LATS1: variants seen among roughly 807,000 people sequenced by gnomAD.
The protein encoded by LATS1 is large tumor suppressor kinase 1, also known as serine/threonine-protein kinase LATS1.
Under a neutral mutation model 106.6 loss-of-function variants are expected in LATS1, and 25 were observed. The ratio of observed to expected loss-of-function variants is 0.23; its 90% CI spans 0.17 to 0.33. LATS1 has a LOEUF of 0.33. Among genes scored for constraint, LATS1 ranks in the 10% least tolerant of loss-of-function variants. LATS1 has a pLI of 1.00. For synonymous variants in LATS1, 465 were observed against 455.6 expected, an observed-to-expected ratio of 1.02 and a Z score of -0.26; for missense variants, 1,040 against 1,382.6, an observed-to-expected ratio of 0.75 and a Z score of 3.93.
intron 1 of LATS1, among the ~76,000 whole-genome samples, chr6:149,702,662 T>C (rs1215286704): frequency 6.6e-6 from 1 of 151,974 alleles, no homozygotes; most frequent in South Asian, 2.1e-4. Context: ...GCTTTAAATT[T>C]ATTTTTATTT....
At chr6:149,674,389 T>C (rs891614246) in intron 7 of LATS1, among the ~76,000 whole-genome samples, 1 of 151,962 alleles carries the variant, frequency 6.6e-6, no homozygotes, top group Admixed American at 6.6e-5. Context: ...AATTTTTTAT[T>C]TTTTGAGATG....
Position 149,670,409 on chromosome 6 carries a change from T to C in LATS1, c.2883+5851A>G, listed in dbSNP as rs375246861. On this transcript the variant is annotated intron_variant, in intron 7 of 7. Coordinates refer to ENST00000543571, the MANE Select transcript of LATS1 (RefSeq NM_004690.4). ...ATCAGGATAAACTATTTTGGAACTT[T>C]GGAACCTGATCAGATACTTACAGCA... 5.3e-5 allele frequency among the ~76,000 whole-genome samples: 8 copies of C among 151,926 alleles called. No individual in the cohort carries two copies. The East Asian group carries it at 1.5e-3, about 29-fold the overall frequency.
At chr6:149,673,272 A>T (rs867124259) in intron 7 of LATS1, among the ~76,000 whole-genome samples, 1 of 149,572 alleles carries the variant, frequency 6.7e-6, no homozygotes, top group African/African-American at 2.5e-5. Context: ...TAATTTTTCT[A>T]TTTTTTTTGT....
intron 1 of LATS1, among the ~76,000 whole-genome samples, chr6:149,709,882 G>C (rs1465142995): frequency 6.6e-6 from 1 of 151,624 alleles, no homozygotes; most frequent in Non-Finnish European, 1.5e-5. Context: ...CACTATGTTG[G>C]CCAAGCTGGT....
chr6:149,706,738 G>A (rs1023025657), intron 1 of LATS1, among the ~76,000 whole-genome samples: 1 of 152,100 alleles, frequency 6.6e-6, no homozygotes, highest in African/African-American at 2.4e-5. Context: ...CAGAAGCCAA[G>A]GATGACAGCA....
chr6:149,684,665 G>A, intron 3 of LATS1, 73 bp from the exon 4 acceptor site: 1 of 1,055,066 alleles, frequency 9.5e-7, no homozygotes, highest in Non-Finnish European at 1.4e-6. Context: ...ACCTTAGCTT[G>A]CAATTCTGAT....
chr6:149,676,556 T>C lies in LATS1; in HGVS notation c.2775A>G (p.Thr925=). 4 of 1,613,248 alleles carry C rather than the reference T, an allele frequency of 2.5e-6. No homozygotes were observed. Among genetic ancestry groups the C allele is most frequent in the Non-Finnish European group, 2.5e-6 (3 of 1,179,444 alleles). Residue 925 remains threonine (T), a splice_region_variant and synonymous_variant, in exon 6 of 8, where the codon ACA becomes ACG. Transcript: ENST00000543571. ...ATATATATGAAAGAAGTGCTTTACC[T>C]GTTCGTAGCAACACTTCAGGTGCAA... is the stretch of plus-strand genomic sequence containing the variant. ...NYIAPEVLLR[T]GYTQLCDWWS...
At chr6:149,712,707 G>C (rs1784173789) in intron 1 of LATS1, among the ~76,000 whole-genome samples, 1 of 152,106 alleles carries the variant, frequency 6.6e-6, no homozygotes, top group Non-Finnish European at 1.5e-5. Flanking sequence ...ATTTCTAAAA[G>C]TTAGGGCCGG....
rs1482018073 is a variant in LATS1, at chr6:149,683,765, G to T, written c.1324C>A (p.Gln442Lys). ...TCATGCCCACTGCTCGGGGATGACT[G>T]GGCTGGAGCAGAAGATGACTGAGGC... ...NWPQSSSAPA[Q>K]SSPSSGHEIP... Residue 442 changes from glutamine (Q) to lysine (K), a missense_variant, in exon 4 of 8, where the codon CAG becomes AAG. Gln to Lys is a moderately conservative substitution (Grantham distance 53). Transcript: ENST00000543571. 1 of 1,613,656 alleles carries T rather than the reference G, an allele frequency of 6.2e-7. No individual in the cohort carries two copies.
rs183811668 is a variant in LATS1, at chr6:149,717,167, C to T, written c.-141+682G>A. Among the ~76,000 whole-genome samples the T allele has an allele frequency of 8.3e-4, 127 of 152,246 alleles. 1 individual carries two copies. Among genetic ancestry groups the T allele is most frequent in the Non-Finnish European group, 1.6e-3 (110 of 68,008 alleles). The stretch of plus-strand genomic sequence containing the variant: ...CCGTATTAACATATGAGTTGACAAA[C>T]ATTAAATTTTGTTCCCTTAGAAATT... On this transcript the variant is annotated intron_variant, in intron 1 of 7. Transcript: ENST00000543571.
chr6:149,670,999 A>T (rs1212046930), intron 7 of LATS1, among the ~76,000 whole-genome samples: 2 of 151,856 alleles, frequency 1.3e-5, no homozygotes, highest in Non-Finnish European at 2.9e-5. Context: ...ACTCCAGCCC[A>T]CAGAGATTTT....
At chr6:149,704,979 T>G (rs1582919037) in intron 1 of LATS1, among the ~76,000 whole-genome samples, 1 of 148,882 alleles carries the variant, frequency 6.7e-6, no homozygotes, top group Admixed American at 6.8e-5. Context: ...CCACTAGAGG[T>G]AGTTTCCTGA....
chr6:149,695,130 C>T lies in LATS1; in HGVS notation c.440G>A (p.Arg147Gln), dbSNP rs771498477. 9.3e-6 allele frequency: 15 copies of T among 1,613,316 alleles called. No homozygotes were observed. The highest frequency in any genetic ancestry group is 1.1e-5 in the Non-Finnish European group (13 of 1,179,676). The change falls in exon 3 of 8, where the codon CGA becomes CAA. Residue 147 changes from arginine to glutamine, a missense_variant. By Grantham distance (43) the Arg-to-Gln change is conservative. This residue lies in a region of LATS1 where 624 missense variants were observed against 714.8 expected (regional missense o/e 0.87). Coordinates refer to ENST00000543571, the MANE Select transcript of LATS1 (RefSeq NM_004690.4). Reference protein sequence around the residue: ...FISKMSYQDPRREQMAAAAAR... With the variant: ...FISKMSYQDPQREQMAAAAAR... ...AGCTGCTGCAGCCATCTGCTCTCGT[C>T]GAGGATCTTGGTAACTCATTTTACT...
In LATS1 at chr6:149,701,896, G is replaced by A; in HGVS notation, c.231C>T (p.Ala77=). 6.2e-7 allele frequency: 1 copy of A among 1,614,114 alleles called. No individual in the cohort carries two copies. Among genetic ancestry groups the A allele is most frequent in the Non-Finnish European group, 8.5e-7 (1 of 1,179,990 alleles). ...NPPKFGTHHK[A]LQEIRNSLLP... ...GCAGAGAGTTTCGAATTTCCTGCAA[G>A]GCTTTATGATGCGTCCCAAATTTGG... is the stretch of plus-strand genomic sequence containing the variant. The change falls in exon 2 of 8, where the codon GCC becomes GCT. Residue 77 remains alanine, a synonymous_variant. Transcript: ENST00000543571.
chr6:149,683,009 C>T (rs1554232341), intron 4 of LATS1, 70 bp downstream of exon 4: 2 of 1,248,400 alleles, frequency 1.6e-6, no homozygotes, highest in Non-Finnish European at 2.2e-6. Context: ...ATACTGGACA[C>T]AATATTTTAA....
At chr6:149,695,272 A>G (rs1373233245) in intron 2 of LATS1, 51 bp from the exon 3 acceptor site, 1 of 1,247,310 alleles carries the variant, frequency 8.0e-7, no homozygotes, top group Admixed American at 2.0e-5. Flanking sequence ...AAATCTTACA[A>G]TAATACAAGG....
rs1323035340 is a variant in LATS1 at position 149,718,074 on chromosome 6, C to T, written c.-366G>A. 3.2e-6 allele frequency: 1 copy of T among 310,556 alleles called. No homozygotes were observed. Among genetic ancestry groups the T allele is most frequent in the Admixed American group, 5.9e-5 (1 of 17,080 alleles). The allele number at this position is 310,556 out of a possible 1,614,324, so 19.2% of individuals were successfully genotyped here. A position where few individuals can be genotyped will look rare whatever the true frequency, so the allele number is the denominator to read the frequency against. ...GCCGCCGCCGCCATTTTGCCTTCCA[C>T]TCAGTGTCGCCGCCGCCGCACTCCG... is the stretch of plus-strand genomic sequence containing the variant. On this transcript the variant is annotated 5_prime_UTR_variant, in exon 1 of 8. In the 5' UTR this introduces an upstream ATG that the reference lacks. Transcript: ENST00000543571.
chr6:149,664,536 A>C (rs1425592443), intron 7 of LATS1, among the ~76,000 whole-genome samples: 2 of 152,182 alleles, frequency 1.3e-5, no homozygotes, highest in East Asian at 3.8e-4. Flanking sequence ...GCAACCAGAG[A>C]GGTCCCAGTT....
chr6:149,677,443 G>GT (rs1300036447), intron 5 of LATS1, among the ~76,000 whole-genome samples: 1 of 152,170 alleles, frequency 6.6e-6, no homozygotes, highest in Non-Finnish European at 1.5e-5. Flanking sequence ...ATACATGTGG[G>GT]TTTTGCAAGC....
Sources: allele counts gnomAD v4.1 joint callset (sites outside exome capture counted in the v4.1 genomes callset), GRCh38; gene constraint gnomAD v4.1.1; regional missense constraint gnomAD v4.1.1; transcripts MANE v1.5; gene names NCBI Gene and HGNC (gene_info 2026-07-23, HGNC 2026-07-21).